The following KCNAB1 variants were observed in gnomAD, a reference collection of about 807,000 sequenced individuals.
KCNAB1 encodes potassium voltage-gated channel subfamily A regulatory beta subunit 1.
Under a neutral mutation model 64.6 loss-of-function variants are expected in KCNAB1, and 35 were observed. That is an observed-to-expected ratio of 0.54 (90% CI 0.41 to 0.72). The LOEUF is 0.72. Ranked by LOEUF, KCNAB1 falls within the 30% of genes least tolerant of loss-of-function variation. The pLI is 0.00. For synonymous variants in KCNAB1, 177 were observed against 183.8 expected, an observed-to-expected ratio of 0.96 and a Z score of 0.30; for missense variants, 401 against 512.9, an observed-to-expected ratio of 0.78 and a Z score of 2.11.
intron 2 of KCNAB1, among the ~76,000 whole-genome samples, chr3:156,427,853 G>C (rs572829614): frequency 1.2e-4 from 19 of 152,262 alleles, no homozygotes; most frequent in Non-Finnish European, 2.4e-4. Context: ...AGTTAGAAAG[G>C]AGCATCTGCC....
At chr3:156,209,410 C>T (rs775850186) in intron 1 of KCNAB1, among the ~76,000 whole-genome samples, 3 of 152,176 alleles carry the variant, frequency 2.0e-5, no homozygotes, top group Non-Finnish European at 4.4e-5. Flanking sequence ...TGAAAGGGCT[C>T]CTGCCTATGT....
At chr3:156,326,503 A>G (rs1396431963) in intron 1 of KCNAB1, among the ~76,000 whole-genome samples, 1 of 152,150 alleles carries the variant, frequency 6.6e-6, no homozygotes, top group Admixed American at 6.5e-5. Context: ...GATGAAAAAC[A>G]TTACATTCTC....
intron 1 of KCNAB1, among the ~76,000 whole-genome samples, chr3:156,246,559 T>C (rs1368225618): frequency 2.0e-5 from 3 of 146,518 alleles, no homozygotes; most frequent in Non-Finnish European, 4.4e-5. Flanking sequence ...GCCAAGATCA[T>C]GCTACTGCAC....
intron 2 of KCNAB1, among the ~76,000 whole-genome samples, chr3:156,445,086 A>T (rs1364628331): frequency 2.6e-5 from 4 of 152,236 alleles, no homozygotes; most frequent in Non-Finnish European, 5.9e-5. Flanking sequence ...TCACAGGGTC[A>T]GTAGTTCAAG....
At chr3:156,174,431 T>G (rs1487862768) in intron 1 of KCNAB1, among the ~76,000 whole-genome samples, 1 of 152,186 alleles carries the variant, frequency 6.6e-6, no homozygotes, top group Admixed American at 6.5e-5. Flanking sequence ...TCTTTAGCTG[T>G]GTGAACATCC....
At chr3:156,398,614 A>G (rs909084362) in intron 1 of KCNAB1, among the ~76,000 whole-genome samples, 2 of 150,382 alleles carry the variant, frequency 1.3e-5, no homozygotes, top group African/African-American at 4.9e-5. Flanking sequence ...AAAAACCTAG[A>G]TGATAGGGTT....
chr3:156,444,295 C>T (rs894770840), intron 2 of KCNAB1, among the ~76,000 whole-genome samples: 1 of 152,214 alleles, frequency 6.6e-6, no homozygotes, highest in African/African-American at 2.4e-5. Context: ...GCTTGATAAA[C>T]ATACAGATGC....
chr3:156,241,277 C>T (rs1037267076), intron 1 of KCNAB1, among the ~76,000 whole-genome samples: 3 of 152,168 alleles, frequency 2.0e-5, no homozygotes, highest in Non-Finnish European at 2.9e-5. Flanking sequence ...GTTCTTGATA[C>T]TTATTGCAAA....
At chr3:156,419,425 C>T (rs1368365927) in intron 1 of KCNAB1, among the ~76,000 whole-genome samples, 3 of 150,618 alleles carry the variant, frequency 2.0e-5, no homozygotes. Context: ...GGCATGAACC[C>T]GGGAGGCGGA....
chr3:156,118,343 A>G (rs1290531535), upstream of KCNAB1: 1 of 455,410 alleles, frequency 2.2e-6, no homozygotes, highest in East Asian at 7.0e-5. Context: ...TGTTAAGGTA[A>G]TCAGGTTCCT....
chr3:156,142,342 G>A (rs1283044623), intron 1 of KCNAB1, among the ~76,000 whole-genome samples: 1 of 152,186 alleles, frequency 6.6e-6, no homozygotes, highest in African/African-American at 2.4e-5. Flanking sequence ...TCTAGGTTCT[G>A]AGGATTTTCT....
At chr3:156,353,962 A>G (rs1360108040) in intron 1 of KCNAB1, among the ~76,000 whole-genome samples, 1 of 151,792 alleles carries the variant, frequency 6.6e-6, no homozygotes, top group African/African-American at 2.4e-5. Context: ...CACGTGATTA[A>G]TGAATATCAG....
In KCNAB1 at chr3:156,514,344, G is replaced by C; in HGVS notation, c.659-20G>C. ...AAAGTAGACAAATTCATGAAATGCT[G>C]TCTGTTTGACCTTCCACAGAAATTG... is the stretch of plus-strand genomic sequence containing the variant. On this transcript the variant is annotated intron_variant, in intron 8 of 13. Transcript: ENST00000490337. The C allele has an allele frequency of 1.9e-6, 3 of 1,600,348 alleles. 1 individual carries two copies. Among genetic ancestry groups the C allele is most frequent in the South Asian group, 2.2e-5 (2 of 90,766 alleles).
chr3:156,343,974 A>C (rs755765251), intron 1 of KCNAB1, among the ~76,000 whole-genome samples: 1 of 152,106 alleles, frequency 6.6e-6, no homozygotes, highest in Non-Finnish European at 1.5e-5. Context: ...TTACTTTCCT[A>C]TTCAGTAATT....
chr3:156,214,846 A>G (rs2108400488), intron 1 of KCNAB1, among the ~76,000 whole-genome samples: 1 of 152,294 alleles, frequency 6.6e-6, no homozygotes, highest in African/African-American at 2.4e-5. Context: ...TCACGAGGGG[A>G]TAATGGGATT....
intron 1 of KCNAB1, among the ~76,000 whole-genome samples, chr3:156,179,271 C>CTA (rs1053844306): frequency 7.9e-5 from 12 of 151,776 alleles, no homozygotes; most frequent in East Asian, 5.8e-4. Context: ...CATGCTAATA[C>CTA]TATATATATA....
chr3:156,186,047 C>G (rs76954259), intron 1 of KCNAB1, among the ~76,000 whole-genome samples: 1,554 of 152,314 alleles, frequency 0.01, 26 homozygotes, highest in African/African-American at 0.036. Flanking sequence ...TACATAGGAG[C>G]AGCTACTGAG....
chr3:156,396,523 A>G (rs1713476171), intron 1 of KCNAB1, among the ~76,000 whole-genome samples: 1 of 152,196 alleles, frequency 6.6e-6, no homozygotes, highest in Admixed American at 6.5e-5. Flanking sequence ...TAAGTCAACC[A>G]GATAAATCAT....
intron 1 of KCNAB1, among the ~76,000 whole-genome samples, chr3:156,193,952 T>G (rs545618864): frequency 6.6e-6 from 1 of 152,138 alleles, no homozygotes; most frequent in South Asian, 2.1e-4. Context: ...TCATATATCT[T>G]TAATTTATTA....
Sources: gnomAD v4.1 joint callset for allele counts (sites outside exome capture counted in the v4.1 genomes callset) on GRCh38, gnomAD v4.1.1 for gene constraint, MANE v1.5 for transcripts, NCBI Gene and HGNC (gene_info 2026-07-23, HGNC 2026-07-21) for gene names.